Variants in NOL4 observed in about 807,000 individuals in gnomAD.
NOL4 encodes the protein nucleolar protein 4.
NOL4 carries 17 observed loss-of-function variants against 75.9 expected under a neutral mutation model. That is an observed-to-expected ratio of 0.22 (90% CI 0.15 to 0.34). NOL4 has a LOEUF of 0.34. Among genes scored for constraint, NOL4 ranks in the 10% least tolerant of loss-of-function variants. The probability of loss-of-function intolerance (pLI) is 1.00; values close to 1 mark genes in which losing one functional copy is unlikely to be tolerated. For synonymous variants in NOL4, 292 were observed against 289.9 expected (o/e 1.01, Z -0.07); for missense variants, 614 against 793.5 (o/e 0.77, Z 2.72).
rs566761782 is a variant in NOL4, at chr18:33,942,129, G to A, written c.1542+936C>T. 5.2e-4 allele frequency among the ~76,000 whole-genome samples: 79 copies of A among 151,986 alleles called. 1 individual carries two copies. The highest frequency in any genetic ancestry group is 1.6e-3 in the African/African-American group (68 of 41,516). On this transcript the variant is annotated intron_variant, in intron 9 of 10. Transcript: ENST00000261592. ...TATTCTAAGCCTGAAATGAAAAAAC[G>A]TTTTTGCTTTTTTCCTCGAAGTCCA...
At chr18:34,109,914 T>C (rs2079503253) in intron 2 of NOL4, among the ~76,000 whole-genome samples, 1 of 151,376 alleles carries the variant, frequency 6.6e-6, no homozygotes, top group Non-Finnish European at 1.5e-5. Context: ...AAGAAATGCA[T>C]AAATTCCTAG....
chr18:34,223,330 A>G lies in NOL4; in HGVS notation c.-77T>C. On this transcript the variant is annotated 5_prime_UTR_variant, in exon 1 of 11. Transcript: ENST00000261592. Reference sequence around the variant, plus strand: ...TTCACCCTAGGCTCATGAAAAATGCAGCCCCGGCCACGTTGCAGGGATGCG... The same window carrying G: ...TTCACCCTAGGCTCATGAAAAATGCGGCCCCGGCCACGTTGCAGGGATGCG... The G allele has an allele frequency of 6.5e-7, 1 of 1,545,870 alleles. No homozygotes were observed. Among genetic ancestry groups the G allele is most frequent in the South Asian group, 1.2e-5 (1 of 81,798 alleles).
chr18:33,876,892 G>A (rs557952340), intron 10 of NOL4, among the ~76,000 whole-genome samples: 178 of 151,974 alleles, frequency 1.2e-3, no homozygotes, highest in African/African-American at 4.1e-3. Flanking sequence ...GAGTTGATAC[G>A]TAACAAGGGA....
chr18:33,975,211 T>C (rs1033632871), intron 6 of NOL4, among the ~76,000 whole-genome samples: 1 of 152,222 alleles, frequency 6.6e-6, no homozygotes, highest in Non-Finnish European at 1.5e-5. Context: ...AGTGTTTCCA[T>C]TCTGCAAGAT....
At chr18:33,909,421 G>T (rs1429532750) in intron 9 of NOL4, among the ~76,000 whole-genome samples, 1 of 152,026 alleles carries the variant, frequency 6.6e-6, no homozygotes, top group East Asian at 1.9e-4. Context: ...GTGGCTACTG[G>T]ACATAACAAC....
chr18:34,090,207 T>A (rs1287107178), intron 5 of NOL4, among the ~76,000 whole-genome samples: 2 of 152,156 alleles, frequency 1.3e-5, no homozygotes, highest in Non-Finnish European at 2.9e-5. Flanking sequence ...AAAACTTGTG[T>A]TACAAAATAT....
chr18:34,100,294 T>C (rs925675050), intron 4 of NOL4, among the ~76,000 whole-genome samples: 1 of 152,136 alleles, frequency 6.6e-6, no homozygotes, highest in Admixed American at 6.6e-5. Context: ...AAATATGCTA[T>C]AATTTCTCTG....
At chr18:34,095,179 A>G (rs1272288842) in intron 4 of NOL4, among the ~76,000 whole-genome samples, 1 of 152,010 alleles carries the variant, frequency 6.6e-6, no homozygotes, top group Non-Finnish European at 1.5e-5. Flanking sequence ...ACAATCAGCC[A>G]CATAGACTTC....
intron 10 of NOL4, among the ~76,000 whole-genome samples, chr18:33,864,464 C>T (rs907394770): frequency 1.3e-5 from 2 of 152,102 alleles, no homozygotes; most frequent in Non-Finnish European, 2.9e-5. Flanking sequence ...CTCCAGTTCC[C>T]AAGAAGTTTC....
intron 1 of NOL4, among the ~76,000 whole-genome samples, chr18:34,206,383 C>G (rs1407056433): frequency 6.6e-6 from 1 of 152,022 alleles, no homozygotes; most frequent in African/African-American, 2.4e-5. Flanking sequence ...CTCCAGATAT[C>G]CTTGTAATAT....
At chr18:34,209,620 A>G (rs1055638302) in intron 1 of NOL4, among the ~76,000 whole-genome samples, 6 of 152,164 alleles carry the variant, frequency 3.9e-5, no homozygotes, top group African/African-American at 1.2e-4. Context: ...TTGTGTATAT[A>G]GACTGGTTAA....
At chr18:33,915,577 C>G (rs992689547) in intron 9 of NOL4, among the ~76,000 whole-genome samples, 2 of 151,940 alleles carry the variant, frequency 1.3e-5, no homozygotes, top group Non-Finnish European at 2.9e-5. Context: ...AGACGGACTG[C>G]TCTGCTAGAG....
intron 6 of NOL4, among the ~76,000 whole-genome samples, chr18:34,017,967 C>T (rs2074802377): frequency 6.6e-6 from 1 of 152,084 alleles, no homozygotes; most frequent in Non-Finnish European, 1.5e-5. Flanking sequence ...GTAGAAAAGT[C>T]ACTTCATTCT....
intron 10 of NOL4, among the ~76,000 whole-genome samples, chr18:33,872,890 C>T (rs1346610987): frequency 6.6e-6 from 1 of 151,904 alleles, no homozygotes; most frequent in Non-Finnish European, 1.5e-5. Flanking sequence ...GTCAGGTCAT[C>T]AAGGAAACAG....
intron 5 of NOL4, among the ~76,000 whole-genome samples, chr18:34,033,478 C>T (rs8085821): frequency 4.2e-4 from 64 of 151,940 alleles, no homozygotes; most frequent in Non-Finnish European, 8.2e-4. Context: ...GAAGACAGGT[C>T]TTTCAAAATA....
chr18:34,158,489 T>C (rs572835621), intron 1 of NOL4: 32 of 152,196 alleles, frequency 2.1e-4, no homozygotes, highest in Admixed American at 1.7e-3. Context: ...CAAACACAGA[T>C]GGATTAGAGC....
intron 10 of NOL4, among the ~76,000 whole-genome samples, chr18:33,878,634 T>A (rs749447088): frequency 5.3e-5 from 8 of 152,092 alleles, no homozygotes; most frequent in Non-Finnish European, 1.2e-4. Context: ...CTCAGACTAA[T>A]AATGTAATTT....
At chr18:34,158,565 A>G (rs1054146357) in intron 1 of NOL4, 1 of 152,186 alleles carries the variant, frequency 6.6e-6, no homozygotes, top group Non-Finnish European at 1.5e-5. Context: ...AGGGGTTTCT[A>G]AACAGCTCGT....
chr18:34,125,935 C>T (rs1160680319), intron 2 of NOL4, among the ~76,000 whole-genome samples: 2 of 150,332 alleles, frequency 1.3e-5, no homozygotes, highest in African/African-American at 2.4e-5. Context: ...AAACCGTGGA[C>T]TTCCAGGGAT....
Sources: gnomAD v4.1 joint callset for allele counts (sites outside exome capture counted in the v4.1 genomes callset) on GRCh38, gnomAD v4.1.1 for gene constraint, MANE v1.5 for transcripts, NCBI Gene and HGNC (gene_info 2026-07-23, HGNC 2026-07-21) for gene names.